NIBAN1: variants seen among roughly 807,000 people sequenced by gnomAD.
The protein encoded by NIBAN1 is niban apoptosis regulator 1.
In NIBAN1, 81 loss-of-function variants were observed where a neutral mutation model predicts 75.1. The ratio of observed to expected loss-of-function variants is 1.08; its 90% CI spans 0.90 to 1.30. The LOEUF (loss-of-function observed/expected upper bound fraction) is 1.30. Among genes scored for constraint, NIBAN1 ranks in the 50% most tolerant of loss-of-function variants. NIBAN1 has a pLI of 0.00. For missense variants in NIBAN1, 1,133 were observed against 1,128.1 expected, an observed-to-expected ratio of 1.00 and a Z score of -0.06; for synonymous variants, 436 against 424.8, an observed-to-expected ratio of 1.03 and a Z score of -0.32.
At chr1:184,958,155 T>A (rs923581279) in intron 1 of NIBAN1, among the ~76,000 whole-genome samples, 1 of 152,082 alleles carries the variant, frequency 6.6e-6, no homozygotes, top group African/African-American at 2.4e-5. Flanking sequence ...TCACTTGAGG[T>A]CAGGAGTTCA....
At chr1:184,908,058 C>T (rs1657148521) in intron 1 of NIBAN1, among the ~76,000 whole-genome samples, 1 of 152,180 alleles carries the variant, frequency 6.6e-6, no homozygotes, top group South Asian at 2.1e-4. Flanking sequence ...GGAAAGAAGG[C>T]ATGCTTAAGA....
intron 1 of NIBAN1, among the ~76,000 whole-genome samples, chr1:184,899,875 G>C (rs1656903207): frequency 1.4e-5 from 2 of 146,426 alleles, no homozygotes; most frequent in South Asian, 4.3e-4. Flanking sequence ...GGAGTGCAAT[G>C]GCACAATCTT....
At chr1:184,809,255 C>G (rs1330901059) in intron 9 of NIBAN1, among the ~76,000 whole-genome samples, 1 of 152,118 alleles carries the variant, frequency 6.6e-6, no homozygotes, top group East Asian at 1.9e-4. Flanking sequence ...TGGAGAGGTC[C>G]ACTGAAGTGA....
At chr1:184,952,735 T>G (rs1017262512) in intron 1 of NIBAN1, among the ~76,000 whole-genome samples, 2 of 152,214 alleles carry the variant, frequency 1.3e-5, no homozygotes, top group Non-Finnish European at 2.9e-5. Context: ...AAGTTCATCC[T>G]AAGTAAGTTT....
chr1:184,861,636 A>G (rs1655818246), intron 5 of NIBAN1, among the ~76,000 whole-genome samples: 1 of 145,606 alleles, frequency 6.9e-6, no homozygotes, highest in Non-Finnish European at 1.5e-5. Flanking sequence ...AAGGAAAGAG[A>G]AAAGGAGAAG....
At position 184,796,416 on chromosome 1, in the gene NIBAN1, G is replaced by C. The variant is rs1653868043; in HGVS notation, c.1667-319C>G. 2.0e-5 allele frequency among the ~76,000 whole-genome samples: 3 copies of C among 152,150 alleles called. No individual in the cohort carries two copies. The South Asian group carries it at 6.2e-4, about 32-fold the overall frequency. ...CAGTAGTGTCACCTGTATCCCTCAG[G>C]GAGGCCCCAGCACATTTTATTAGCT... On this transcript the variant is annotated intron_variant, in intron 13 of 13. Transcript: ENST00000367511.
intron 1 of NIBAN1, among the ~76,000 whole-genome samples, chr1:184,906,382 G>T (rs948775711): frequency 1.3e-5 from 2 of 152,080 alleles, no homozygotes; most frequent in Non-Finnish European, 2.9e-5. Context: ...TGTAATCCTA[G>T]CACTTTGGGA....
chr1:184,804,489 A>C (rs1325589307), intron 11 of NIBAN1, among the ~76,000 whole-genome samples: 1 of 152,178 alleles, frequency 6.6e-6, no homozygotes, highest in Admixed American at 6.5e-5. Context: ...GCTGTCAAGA[A>C]CTAAAATGGG....
At chr1:184,876,498 G>A (rs1473803238) in intron 5 of NIBAN1, among the ~76,000 whole-genome samples, 1 of 151,996 alleles carries the variant, frequency 6.6e-6, no homozygotes, top group African/African-American at 2.4e-5. Context: ...AGGAGTTCGA[G>A]ACCAGCCCAG....
chr1:184,967,978 T>C (rs1571613236), intron 1 of NIBAN1, among the ~76,000 whole-genome samples: 1 of 9,228 alleles, frequency 1.1e-4, no homozygotes. Context: ...CCGAGGCGGG[T>C]GGATCATGAG....
At chr1:184,823,139 A>G in intron 8 of NIBAN1, 28 bp downstream of exon 8, 2 of 1,608,018 alleles carry the variant, frequency 1.2e-6, no homozygotes, top group African/African-American at 2.7e-5. Flanking sequence ...TTATTTAATT[A>G]GTAAGAGCAT....
chr1:184,966,029 T>A (rs1183866250), intron 1 of NIBAN1, among the ~76,000 whole-genome samples: 1 of 152,034 alleles, frequency 6.6e-6, no homozygotes, highest in Non-Finnish European at 1.5e-5. Context: ...TTTAAGTGAG[T>A]AAGACTATAA....
chr1:184,878,046 G>A (rs1292250191), intron 5 of NIBAN1, among the ~76,000 whole-genome samples: 1 of 151,992 alleles, frequency 6.6e-6, no homozygotes, highest in Non-Finnish European at 1.5e-5. Context: ...TGGTTCATTG[G>A]AACTGAGGGA....
intron 1 of NIBAN1, among the ~76,000 whole-genome samples, chr1:184,962,676 G>T (rs1218589003): frequency 6.6e-6 from 1 of 152,104 alleles, no homozygotes; most frequent in Non-Finnish European, 1.5e-5. Flanking sequence ...AAATACTACT[G>T]GGGTAATTTC....
chr1:184,873,096 A>G (rs1012625586), intron 5 of NIBAN1, among the ~76,000 whole-genome samples: 1 of 152,366 alleles, frequency 6.6e-6, no homozygotes, highest in African/African-American at 2.4e-5. Flanking sequence ...TGACAGGAAA[A>G]TAATTGCTGC....
intron 2 of NIBAN1, among the ~76,000 whole-genome samples, chr1:184,898,651 C>T (rs1297317916): frequency 6.6e-6 from 1 of 152,108 alleles, no homozygotes; most frequent in Non-Finnish European, 1.5e-5. Context: ...TTCTTTTTAG[C>T]ATTTATTATT....
At chr1:184,958,788 C>A (rs539696132) in intron 1 of NIBAN1, among the ~76,000 whole-genome samples, 2 of 152,268 alleles carry the variant, frequency 1.3e-5, no homozygotes, top group Admixed American at 1.3e-4. Context: ...TAAATGTAAA[C>A]CATACATTTC....
At chr1:184,834,768 G>A (rs1655093969) in intron 5 of NIBAN1, among the ~76,000 whole-genome samples, 5 of 152,088 alleles carry the variant, frequency 3.3e-5, no homozygotes, top group Admixed American at 3.3e-4. Context: ...TTTGCCAGAT[G>A]GGTAGATTGC....
At chr1:184,811,743 C>T (rs1252464222) in intron 9 of NIBAN1, among the ~76,000 whole-genome samples, 1 of 152,072 alleles carries the variant, frequency 6.6e-6, no homozygotes, top group Non-Finnish European at 1.5e-5. Context: ...CCGCCCGCCT[C>T]GGCCTCCCAA....
Sources: allele counts gnomAD v4.1 joint callset (sites outside exome capture counted in the v4.1 genomes callset), GRCh38; gene constraint gnomAD v4.1.1; transcripts MANE v1.5; gene names NCBI Gene and HGNC (gene_info 2026-07-23, HGNC 2026-07-21).